Variants in LEO1 observed in about 807,000 individuals in gnomAD.
LEO1 encodes RNA polymerase-associated protein LEO1.
In LEO1, 34 loss-of-function variants were observed where a neutral mutation model predicts 80.4. The ratio of observed to expected loss-of-function variants is 0.42; its 90% CI spans 0.32 to 0.56. The LOEUF (loss-of-function observed/expected upper bound fraction) is 0.56, where lower values mean the gene tolerates loss of function less well. Ranked by LOEUF, LEO1 falls within the 20% of genes least tolerant of loss-of-function variation. The pLI is 0.10. For missense variants in LEO1, 631 were observed against 814.2 expected, an observed-to-expected ratio of 0.77 and a Z score of 2.74; for synonymous variants, 262 against 274.9, an observed-to-expected ratio of 0.95 and a Z score of 0.46.
intron 1 of LEO1, among the ~76,000 whole-genome samples, chr15:51,970,141 C>T (rs535708245): frequency 2.0e-5 from 3 of 152,060 alleles, no homozygotes; most frequent in Non-Finnish European, 4.4e-5. Context: ...AAAACAGGCA[C>T]CCAAACATGT....
intron 11 of LEO1, 88 bp downstream of exon 11, chr15:51,947,204 T>C (rs1471855015): frequency 8.3e-6 from 7 of 839,832 alleles, no homozygotes; most frequent in Non-Finnish European, 1.4e-5. Context: ...AACTAATTTG[T>C]GCCTGCCTGA....
chr15:51,968,301 A>G (rs1376305795), intron 1 of LEO1, among the ~76,000 whole-genome samples: 1 of 151,374 alleles, frequency 6.6e-6, no homozygotes, highest in Non-Finnish European at 1.5e-5. Flanking sequence ...TCAGCACTCT[A>G]GGAGCCCAAG....
At chr15:51,968,496 G>A (rs1045519868) in intron 1 of LEO1, among the ~76,000 whole-genome samples, 3 of 151,908 alleles carry the variant, frequency 2.0e-5, no homozygotes, top group Non-Finnish European at 2.9e-5. Context: ...AGCCGAGATC[G>A]TGCCACTGCA....
intron 2 of LEO1, among the ~76,000 whole-genome samples, chr15:51,962,882 C>G (rs2057042363): frequency 6.6e-6 from 1 of 151,400 alleles, no homozygotes; most frequent in African/African-American, 2.4e-5. Flanking sequence ...TTAGACAAAT[C>G]TATAGATATG....
At chr15:51,940,882 G>A (rs1348617463) in intron 11 of LEO1, among the ~76,000 whole-genome samples, 5 of 152,104 alleles carry the variant, frequency 3.3e-5, no homozygotes, top group Admixed American at 3.3e-4. Flanking sequence ...CAGATCACTT[G>A]AGGTCAGGAG....
At chr15:51,950,028 A>G in intron 9 of LEO1, 34 bp from the exon 10 acceptor site, 1 of 1,562,222 alleles carries the variant, frequency 6.4e-7, no homozygotes, top group Non-Finnish European at 8.7e-7. Flanking sequence ...TTAACCTAAA[A>G]AGGAGCTACT....
chr15:51,949,591 T>C (rs1595934941), intron 10 of LEO1, among the ~76,000 whole-genome samples: 1 of 151,036 alleles, frequency 6.6e-6, no homozygotes, highest in African/African-American at 2.4e-5. Context: ...TCCCAGCTAC[T>C]CGGGAGGCTG....
intron 1 of LEO1, 142 bp from the exon 2 acceptor site, chr15:51,966,646 C>G (rs2141781264): frequency 1.7e-6 from 1 of 578,988 alleles, no homozygotes; most frequent in East Asian, 2.9e-5. Flanking sequence ...TGCAGTGGCT[C>G]ACGCCTGTAA....
intron 4 of LEO1, among the ~76,000 whole-genome samples, chr15:51,960,386 C>G (rs1247513376): frequency 6.6e-6 from 1 of 152,168 alleles, no homozygotes; most frequent in African/African-American, 2.4e-5. Flanking sequence ...GAAAAACATT[C>G]AAGTCAATGG....
intron 9 of LEO1, 77 bp from the exon 10 acceptor site, chr15:51,950,071 A>G (rs115977971): frequency 3.4e-6 from 4 of 1,163,948 alleles, no homozygotes; most frequent in South Asian, 1.5e-5. Context: ...TTTATTACAA[A>G]TAGCATGTAA....
At chr15:51,940,954 C>T (rs927759949) in intron 11 of LEO1, among the ~76,000 whole-genome samples, 1 of 151,790 alleles carries the variant, frequency 6.6e-6, no homozygotes, top group Admixed American at 6.6e-5. Flanking sequence ...AAAAATTAGC[C>T]AGGCATGGAT....
chr15:51,955,034 T>G (rs1053037143), intron 6 of LEO1: 2 of 152,540 alleles, frequency 1.3e-5, no homozygotes, highest in Admixed American at 1.3e-4. Flanking sequence ...CCTCCCGGGT[T>G]CACGCCATTC....
intron 10 of LEO1, among the ~76,000 whole-genome samples, chr15:51,948,755 A>G (rs2056922460): frequency 6.6e-6 from 1 of 152,228 alleles, no homozygotes; most frequent in Non-Finnish European, 1.5e-5. Flanking sequence ...ATACAACTAA[A>G]AAGTGGCAGG....
At chr15:51,966,886 G>T (rs1177567874) in intron 1 of LEO1, among the ~76,000 whole-genome samples, 1 of 151,846 alleles carries the variant, frequency 6.6e-6, no homozygotes, top group Non-Finnish European at 1.5e-5. Flanking sequence ...ACTCCAGCCT[G>T]GGCGACAGAG....
chr15:51,960,549 A>G, intron 4 of LEO1, 90 bp downstream of exon 4: 1 of 739,788 alleles, frequency 1.4e-6, no homozygotes, highest in Non-Finnish European at 2.4e-6. Flanking sequence ...GAATTCAGTT[A>G]TCAACTTCCT....
chr15:51,960,162 A>G (rs144065654), intron 4 of LEO1, 118 bp from the exon 5 acceptor site: 2 of 787,718 alleles, frequency 2.5e-6, no homozygotes, highest in Non-Finnish European at 2.0e-6. Context: ...CTTTAGGACT[A>G]AAGAAGTCCC....
intron 6 of LEO1, among the ~76,000 whole-genome samples, chr15:51,955,263 C>T (rs534104093): frequency 6.6e-6 from 1 of 152,142 alleles, no homozygotes; most frequent in South Asian, 2.1e-4. Context: ...AAGTGAAACC[C>T]CTGTATAAAG....
At chr15:51,939,445 G>C (rs1026443465) in intron 11 of LEO1, among the ~76,000 whole-genome samples, 1 of 152,192 alleles carries the variant, frequency 6.6e-6, no homozygotes, top group East Asian at 1.9e-4. Context: ...GAATTCAAAG[G>C]GGGGAAGTTA....
intron 11 of LEO1, chr15:51,946,965 C>T (rs1270110540): frequency 3.6e-6 from 1 of 277,718 alleles, no homozygotes; most frequent in Non-Finnish European, 6.7e-6. Flanking sequence ...CTTGGTATGT[C>T]AGGGACCTGC....
Sources: gnomAD v4.1 joint callset for allele counts (sites outside exome capture counted in the v4.1 genomes callset) on GRCh38, gnomAD v4.1.1 for gene constraint, MANE v1.5 for transcripts, NCBI Gene and HGNC (gene_info 2026-07-23, HGNC 2026-07-21) for gene names.